The following BCLAF1 variants were observed in gnomAD, a reference collection of about 807,000 sequenced individuals.
BCLAF1 encodes the protein bcl-2-associated transcription factor 1.
A neutral mutation model predicts 99.5 loss-of-function variants in BCLAF1; 10 were observed. The ratio of observed to expected loss-of-function variants is 0.10; its 90% CI spans 0.06 to 0.17. The LOEUF (loss-of-function observed/expected upper bound fraction) is 0.17. BCLAF1 is among the 10% of genes least tolerant of loss of function. The pLI is 1.00. For missense variants in BCLAF1, 636 were observed against 1,105.8 expected (o/e 0.58, Z 6.02); for synonymous variants, 255 against 370.9 (o/e 0.69, Z 3.59).
At chr6:136,268,470 T>G (rs1228935111) in intron 9 of BCLAF1, 131 bp from the exon 10 acceptor site, 2 of 852,492 alleles carry the variant, frequency 2.3e-6, no homozygotes, top group South Asian at 3.2e-5. Flanking sequence ...ATAAAATAAT[T>G]GGGTGTTAAA....
chr6:136,259,874 A>G lies in BCLAF1; in HGVS notation c.*1236T>C, dbSNP rs1562224119. ...CAGACACTTAACATTGAAATTTACT[A>G]TTTTAGATTTTCACTCCTTTAAGAG... On this transcript the variant is annotated 3_prime_UTR_variant, in exon 13 of 13. Coordinates refer to ENST00000531224, the MANE Select transcript of BCLAF1 (RefSeq NM_014739.3). The G allele has an allele frequency of 1.3e-5, 2 of 152,012 alleles. No individual in the cohort carries two copies. The highest frequency in any genetic ancestry group is 1.3e-4 in the Admixed American group (2 of 15,262). The allele number at this position is 152,012 out of a possible 1,614,324, so 9.4% of individuals were successfully genotyped here. A position where few individuals can be genotyped will look rare whatever the true frequency, so the allele number is the denominator to read the frequency against.
At chr6:136,285,796 C>T (rs1317584296) in intron 1 of BCLAF1, among the ~76,000 whole-genome samples, 1 of 152,038 alleles carries the variant, frequency 6.6e-6, no homozygotes, top group African/African-American at 2.4e-5. Context: ...TGATCAGAAA[C>T]CAGCTAGAAA....
chr6:136,276,694 C>T (rs2128481405), intron 4 of BCLAF1, among the ~76,000 whole-genome samples, 186 bp from the exon 5 acceptor site: 1 of 152,158 alleles, frequency 6.6e-6, no homozygotes, highest in East Asian at 1.9e-4. Flanking sequence ...TATGTACTGA[C>T]TTTTAAAATA....
chr6:136,277,768 A>AG (rs1783634588), intron 4 of BCLAF1, 97 bp downstream of exon 4: 6 of 1,383,952 alleles, frequency 4.3e-6, no homozygotes, highest in Non-Finnish European at 5.7e-6. Context: ...AAAAACCGCT[A>AG]GTTAAATACA....
rs150368404 is a variant in BCLAF1, at chr6:136,262,530, G to A, written c.2545-1053C>T. Reference sequence around the variant, plus strand: ...AACTGATTAACCCCCTTCATGACTTGAAAAGTTCAATTATATGGGTAACTA... The same window carrying A: ...AACTGATTAACCCCCTTCATGACTTAAAAAGTTCAATTATATGGGTAACTA... On this transcript the variant is annotated intron_variant, in intron 11 of 12. Coordinates refer to ENST00000531224, the MANE Select transcript of BCLAF1 (RefSeq NM_014739.3). Among the ~76,000 whole-genome samples the A allele has an allele frequency of 5.8e-4, 88 of 152,012 alleles. No individual in the cohort carries two copies. In the South Asian group the frequency reaches 6.2e-3, roughly 11 times the overall value.
At chr6:136,283,753 C>T (rs1374310484) in intron 1 of BCLAF1, among the ~76,000 whole-genome samples, 1 of 152,074 alleles carries the variant, frequency 6.6e-6, no homozygotes, top group Non-Finnish European at 1.5e-5. Flanking sequence ...TCAAGAATAG[C>T]GTCTCCTAAA....
rs77081633 is a variant in BCLAF1 at position 136,268,287 on chromosome 6, G to A, written c.2272C>T (p.Pro758Ser). 3.1e-4 allele frequency: 480 copies of A among 1,564,524 alleles called. No individual in the cohort carries two copies. The highest frequency in any genetic ancestry group is 1.4e-3 in the Middle Eastern group (8 of 5,762). Residue 758 changes from proline to serine, a missense_variant, in exon 10 of 13, where the codon CCT becomes TCT. Pro to Ser is a moderately conservative substitution (Grantham distance 74). Coordinates refer to ENST00000531224, the MANE Select transcript of BCLAF1 (RefSeq NM_014739.3). The stretch of plus-strand genomic sequence containing the variant: ...TCTTCTCGAGAACTGGGAGAAGAAG[G>A]TGATGCTGAAGAGGATGAAGATCGA... The part of the protein sequence containing the change: ...HSRSSSSSAS[P>S]SSPSSREEKE...
Position 136,288,556 on chromosome 6 carries a change from TAA to T in BCLAF1, c.-115+1155_-115+1156del, listed in dbSNP as rs534604351. On this transcript the variant is annotated intron_variant, in intron 1 of 12. Coordinates refer to ENST00000531224, the MANE Select transcript of BCLAF1 (RefSeq NM_014739.3). Reference sequence around the variant, plus strand: ...TTTTGCTTTGTAACACCAAAAAATTTAAAAGAGGCTGTTGCAGTGAGGTACAA... The same window carrying T: ...TTTTGCTTTGTAACACCAAAAAATTTAAGAGGCTGTTGCAGTGAGGTACAA... Among the ~76,000 whole-genome samples the T allele has an allele frequency of 1.9e-3, 287 of 152,342 alleles. 1 individual carries two copies. The highest frequency in any genetic ancestry group is 3.1e-3 in the Non-Finnish European group (209 of 68,018).
At chr6:136,285,598 T>C (rs1040076465) in intron 1 of BCLAF1, among the ~76,000 whole-genome samples, 2 of 152,216 alleles carry the variant, frequency 1.3e-5, no homozygotes, top group Non-Finnish European at 2.9e-5. Flanking sequence ...CATTTGTTAA[T>C]AGATTCCCAC....
chr6:136,286,361 C>G (rs1785130037), intron 1 of BCLAF1, among the ~76,000 whole-genome samples: 1 of 152,220 alleles, frequency 6.6e-6, no homozygotes, highest in Non-Finnish European at 1.5e-5. Context: ...CTGCCCAACA[C>G]TGAACAAGTT....
At chr6:136,263,150 A>G (rs1182827240) in intron 11 of BCLAF1, among the ~76,000 whole-genome samples, 2 of 152,218 alleles carry the variant, frequency 1.3e-5, no homozygotes, top group Non-Finnish European at 2.9e-5. Flanking sequence ...CACTTTAGAA[A>G]TAAACAAACT....
At chr6:136,273,365 T>C (rs1469470022) in intron 6 of BCLAF1, 178 bp from the exon 7 acceptor site, 1 of 557,406 alleles carries the variant, frequency 1.8e-6, no homozygotes, top group African/African-American at 1.9e-5. Context: ...AACAGGAGAG[T>C]GTTTCGAAAG....
At chr6:136,274,065 A>T in intron 6 of BCLAF1, 1 of 1,288,144 alleles carries the variant, frequency 7.8e-7, no homozygotes, top group Admixed American at 2.3e-5. Context: ...CAGGAATTTG[A>T]GCTAGCAACT....
rs552650704 is a variant in BCLAF1 at position 136,269,490 on chromosome 6, C to T, written c.2166G>A (p.Lys722=). The T allele has an allele frequency of 8.1e-5, 130 of 1,610,990 alleles. 1 individual carries two copies. In the Admixed American group the frequency reaches 1.7e-3, roughly 21 times the overall value. ...TGTAATCTTTTGGAGTTTTTTCCTGCTTTCTTGATCCACTGGATTCCCTGG... is the reference window on the plus strand; with the variant it reads ...TGTAATCTTTTGGAGTTTTTTCCTGTTTTCTTGATCCACTGGATTCCCTGG... ...KGSRESSGSR[K]QEKTPKDYKE... The change falls in exon 9 of 13, where the codon AAG becomes AAA. Residue 722 remains lysine (K), a synonymous_variant. Coordinates refer to ENST00000531224, the MANE Select transcript of BCLAF1 (RefSeq NM_014739.3).
intron 1 of BCLAF1, among the ~76,000 whole-genome samples, chr6:136,284,163 G>A (rs553216500): frequency 1.5e-4 from 16 of 107,704 alleles, no homozygotes; most frequent in South Asian, 1.0e-3. Flanking sequence ...TATATATCCA[G>A]AGAAGACCCA....
At chr6:136,284,678 T>A (rs1168035128) in intron 1 of BCLAF1, among the ~76,000 whole-genome samples, 3 of 152,188 alleles carry the variant, frequency 2.0e-5, no homozygotes, top group Admixed American at 6.5e-5. Flanking sequence ...CCAGATAACT[T>A]GAGATAAGTG....
At chr6:136,277,744 A>C (rs1783628338) in intron 4 of BCLAF1, 121 bp downstream of exon 4, 3 of 1,146,290 alleles carry the variant, frequency 2.6e-6, no homozygotes, top group African/African-American at 1.9e-5. Context: ...CTTAAAATGA[A>C]GGAAGTCAAG....
intron 3 of BCLAF1, 28 bp from the exon 4 acceptor site, chr6:136,278,804 G>A (rs1242234955): frequency 6.9e-6 from 10 of 1,454,466 alleles, no homozygotes; most frequent in South Asian, 1.6e-5. Flanking sequence ...ATCAATGCAA[G>A]AAAAATAAAG....
At chr6:136,274,587 T>C (rs554706509) in intron 6 of BCLAF1, among the ~76,000 whole-genome samples, 1 of 152,032 alleles carries the variant, frequency 6.6e-6, no homozygotes, top group Non-Finnish European at 1.5e-5. Flanking sequence ...CATAAAGAAC[T>C]GCTAGAGGCA....
Sources: gnomAD v4.1 joint callset for allele counts (sites outside exome capture counted in the v4.1 genomes callset) on GRCh38, gnomAD v4.1.1 for gene constraint, MANE v1.5 for transcripts, NCBI Gene and HGNC (gene_info 2026-07-23, HGNC 2026-07-21) for gene names.